MAP4K4: variants seen among roughly 807,000 people sequenced by gnomAD.
The protein encoded by MAP4K4 is mitogen-activated protein kinase kinase kinase kinase 4, also known as HPK/GCK-like kinase HGK.
MAP4K4 carries 38 observed loss-of-function variants against 189.6 expected under a neutral mutation model. The observed-to-expected ratio is 0.20, with a 90% CI of 0.15 to 0.26. MAP4K4 has a LOEUF of 0.26. Among genes scored for constraint, MAP4K4 ranks in the 10% least tolerant of loss-of-function variants. The pLI, the probability that MAP4K4 is intolerant of heterozygous loss-of-function variation, is 1.00. For synonymous variants in MAP4K4, 610 were observed against 624.3 expected (o/e 0.98, Z 0.34); for missense variants, 1,054 against 1,726.9 (o/e 0.61, Z 6.91).
chr2:101,734,479 A>G (rs2059634739), intron 2 of MAP4K4, among the ~76,000 whole-genome samples: 1 of 152,218 alleles, frequency 6.6e-6, no homozygotes, highest in African/African-American at 2.4e-5. Flanking sequence ...TTACACTGCA[A>G]GTCAAAGATT....
At chr2:101,707,152 T>C (rs1302349376) in intron 2 of MAP4K4, among the ~76,000 whole-genome samples, 1 of 152,176 alleles carries the variant, frequency 6.6e-6, no homozygotes, top group African/African-American at 2.4e-5. Context: ...TATCCTTTAG[T>C]AGGCACTTAG....
At chr2:101,803,299 C>T (rs528289317) in intron 3 of MAP4K4, among the ~76,000 whole-genome samples, 88 of 140,336 alleles carry the variant, frequency 6.3e-4, no homozygotes, top group African/African-American at 2.8e-3. Flanking sequence ...GTGTGTCTGT[C>T]TGTGTCTGTG....
At chr2:101,756,166 G>C (rs901213211) in intron 2 of MAP4K4, among the ~76,000 whole-genome samples, 2 of 151,996 alleles carry the variant, frequency 1.3e-5, no homozygotes, top group African/African-American at 4.8e-5. Context: ...GGATGGTCTG[G>C]ATCTCCTGAC....
intron 2 of MAP4K4, among the ~76,000 whole-genome samples, chr2:101,719,630 A>G (rs1313705537): frequency 2.6e-5 from 4 of 152,226 alleles, no homozygotes; most frequent in Admixed American, 1.3e-4. Context: ...GTTCTTGATT[A>G]TGTGGTCTCT....
chr2:101,813,297 A>G lies in MAP4K4; in HGVS notation c.181-10631A>G, dbSNP rs575097533. Among the ~76,000 whole-genome samples the G allele has an allele frequency of 4.6e-5, 7 of 152,338 alleles. No homozygotes were observed. The South Asian group carries it at 1.4e-3, about 32-fold the overall frequency. On this transcript the variant is annotated intron_variant, in intron 3 of 32. Transcript: ENST00000324219. ...AAAATTATTTTCTGATAAAATACAA[A>G]TAGTACTCAATGTCAGTAGTAATAT...
rs59741281 is a variant in MAP4K4 at position 101,769,091 on chromosome 2, TTA to T, written c.124-21625_124-21624del. Among the ~76,000 whole-genome samples the T allele has an allele frequency of 9.4e-3, 1,431 of 152,326 alleles. 23 individuals carry two copies. The highest frequency in any genetic ancestry group is 0.033 in the African/African-American group (1,359 of 41,564). On this transcript the variant is annotated intron_variant, in intron 2 of 32. Coordinates refer to ENST00000324219, the Ensembl canonical transcript of MAP4K4. ...GCCAAAATCTTGTGCAAGATGTTTG[TTA>T]TATGTTTGTTTGTTTGTTATATCAC...
intron 3 of MAP4K4, among the ~76,000 whole-genome samples, chr2:101,814,347 A>G (rs2149206088): frequency 6.6e-6 from 1 of 152,258 alleles, no homozygotes; most frequent in Non-Finnish European, 1.5e-5. Flanking sequence ...TTTTTGAGTA[A>G]CTTCTGTGGA....
intron 2 of MAP4K4, among the ~76,000 whole-genome samples, chr2:101,702,061 A>G (rs1451517060): frequency 1.3e-5 from 2 of 152,042 alleles, no homozygotes; most frequent in East Asian, 3.9e-4. Flanking sequence ...GGTTTTCACC[A>G]TGTTGGCTAG....
At chr2:101,709,483 G>A (rs756851117) in intron 2 of MAP4K4, among the ~76,000 whole-genome samples, 2 of 152,232 alleles carry the variant, frequency 1.3e-5, no homozygotes, top group Non-Finnish European at 2.9e-5. Flanking sequence ...GATTACAGGC[G>A]TGAGCCACTG....
rs1357953012 is a variant in MAP4K4, at chr2:101,805,734, A to C, written c.180+14958A>C. 2.0e-5 allele frequency among the ~76,000 whole-genome samples: 3 copies of C among 152,248 alleles called. No individual in the cohort carries two copies. In the East Asian group the frequency reaches 5.8e-4, roughly 29 times the overall value. The stretch of plus-strand genomic sequence containing the variant: ...AACTGCAGGAGTCCTGAGAAAGAGC[A>C]GATGACGTTGCTGGCGTGTGATGAC... On this transcript the variant is annotated intron_variant, in intron 3 of 32. Transcript: ENST00000324219.
At chr2:101,846,158 A>C (rs1485587438) in intron 12 of MAP4K4, among the ~76,000 whole-genome samples, 1 of 152,230 alleles carries the variant, frequency 6.6e-6, no homozygotes, top group African/African-American at 2.4e-5. Context: ...CTGCTTTTAT[A>C]ATGCTTTTTG....
chr2:101,803,916 G>A (rs761638178), intron 3 of MAP4K4, among the ~76,000 whole-genome samples: 1 of 152,200 alleles, frequency 6.6e-6, no homozygotes, highest in Non-Finnish European at 1.5e-5. Context: ...GTTGACTTCT[G>A]TGGGTTTGAT....
At chr2:101,804,458 C>T (rs1302203261) in intron 3 of MAP4K4, among the ~76,000 whole-genome samples, 1 of 152,042 alleles carries the variant, frequency 6.6e-6, no homozygotes, top group African/African-American at 2.4e-5. Context: ...GATGGAAACC[C>T]GCCTCTGAAA....
intron 3 of MAP4K4, among the ~76,000 whole-genome samples, chr2:101,806,718 T>C (rs1333988696): frequency 2.6e-5 from 4 of 152,216 alleles, no homozygotes; most frequent in Non-Finnish European, 5.9e-5. Context: ...AACTCACTTT[T>C]GTTCACTCAC....
chr2:101,730,417 A>G lies in MAP4K4; in HGVS notation c.123+31879A>G, dbSNP rs1308010082. On this transcript the variant is annotated intron_variant, in intron 2 of 32. Transcript: ENST00000324219. ...GGTTGTGGTAGGGACAGTTTTTCAG[A>G]TCATATGTTGGTTATAGCAAAAGAA... Among the ~76,000 whole-genome samples, 3 of 152,016 alleles carry G rather than the reference A, an allele frequency of 2.0e-5. No individual in the cohort carries two copies. The East Asian group carries it at 5.8e-4, about 29-fold the overall frequency.
chr2:101,893,034 A>G (rs1160747916), exon 33 of MAP4K4: 1 of 456,430 alleles, frequency 2.2e-6, no homozygotes, highest in South Asian at 1.5e-5. Context: ...TATTGTGAAA[A>G]TGGGGGATTT....
exon 17 of MAP4K4, chr2:101,864,004 A>G (rs2097748105): frequency 3.7e-6 from 5 of 1,367,546 alleles, no homozygotes; most frequent in Middle Eastern, 2.1e-4. Context: ...GCCTGACCCT[A>G]CCCAAAAGGC....
intron 2 of MAP4K4, among the ~76,000 whole-genome samples, chr2:101,777,016 G>C (rs1433912437): frequency 6.6e-6 from 1 of 152,162 alleles, no homozygotes; most frequent in Admixed American, 6.5e-5. Flanking sequence ...GTCATAGCCA[G>C]GCTTTGCCAA....
At chr2:101,758,930 G>C (rs1334219958) in intron 2 of MAP4K4, among the ~76,000 whole-genome samples, 1 of 151,818 alleles carries the variant, frequency 6.6e-6, no homozygotes, top group South Asian at 2.1e-4. Context: ...TCAGGAGATC[G>C]AGACCATCCT....
Sources: allele counts gnomAD v4.1 joint callset (sites outside exome capture counted in the v4.1 genomes callset), GRCh38; gene constraint gnomAD v4.1.1; transcripts MANE v1.5; gene names NCBI Gene and HGNC (gene_info 2026-07-23, HGNC 2026-07-21).